The following RBFOX1 variants were observed in gnomAD, a reference collection of about 807,000 sequenced individuals.
RBFOX1 encodes RNA binding protein fox-1 homolog 1.
RBFOX1 carries 8 observed loss-of-function variants against 57.7 expected under a neutral mutation model. The ratio of observed to expected loss-of-function variants is 0.14; its 90% confidence interval spans 0.08 to 0.25. The LOEUF is 0.25. Ranked by LOEUF, RBFOX1 falls within the 10% of genes least tolerant of loss-of-function variation. RBFOX1 has a pLI of 1.00. For missense variants in RBFOX1, 611 were observed against 548.5 expected (o/e 1.11, Z -1.14); for synonymous variants, 326 against 222.4 (o/e 1.47, Z -4.15).
Position 7,240,101 on chromosome 16 carries a change from G to A in RBFOX1, c.27+188003G>A, listed in dbSNP as rs538021968. ...CCTGCCTCAGACTCTTGAGTAGCTG[G>A]GATTACGGGCACCCGCCACCACGCC... On this transcript the variant is annotated intron_variant, in intron 4 of 15. Coordinates refer to ENST00000550418, the MANE Select transcript of RBFOX1 (RefSeq NM_018723.4). Among the ~76,000 whole-genome samples, 10 of 152,138 alleles carry A rather than the reference G, an allele frequency of 6.6e-5. No individual in the cohort carries two copies. In the South Asian group the frequency reaches 1.9e-3, roughly 28 times the overall value.
intron 1 of RBFOX1, among the ~76,000 whole-genome samples, chr16:6,158,842 C>T (rs773458403): frequency 5.9e-5 from 9 of 151,944 alleles, no homozygotes; most frequent in Non-Finnish European, 8.8e-5. Context: ...AATAGACAGG[C>T]ACCTATTAAA....
intron 2 of RBFOX1, among the ~76,000 whole-genome samples, chr16:5,569,927 C>T (rs1350367466): frequency 6.6e-6 from 1 of 152,180 alleles, no homozygotes. Flanking sequence ...AGTCATATTG[C>T]AGATATCATA....
At chr16:6,755,500 C>T (rs1196296995) in intron 3 of RBFOX1, among the ~76,000 whole-genome samples, 1 of 152,074 alleles carries the variant, frequency 6.6e-6, no homozygotes, top group Admixed American at 6.6e-5. Flanking sequence ...ATAAATGTCT[C>T]CTGTTTTAAT....
chr16:7,164,562 G>A (rs1396417206), intron 4 of RBFOX1, among the ~76,000 whole-genome samples: 5 of 152,170 alleles, frequency 3.3e-5, no homozygotes, highest in African/African-American at 1.2e-4. Flanking sequence ...TATACTATGT[G>A]TGAAAAGCCC....
chr16:7,708,673 C>G (rs1405998581), intron 14 of RBFOX1, among the ~76,000 whole-genome samples: 3 of 152,190 alleles, frequency 2.0e-5, no homozygotes, highest in Non-Finnish European at 2.9e-5. Context: ...GAAAAAGGCA[C>G]TCTCTTGAGA....
At chr16:7,003,013 G>T (rs1171176825) in intron 3 of RBFOX1, among the ~76,000 whole-genome samples, 1 of 150,134 alleles carries the variant, frequency 6.7e-6, no homozygotes, top group Non-Finnish European at 1.5e-5. Flanking sequence ...GATCTTGGTG[G>T]TCTTTTTTTT....
chr16:6,747,916 A>G (rs528817880), intron 3 of RBFOX1, among the ~76,000 whole-genome samples: 3 of 152,278 alleles, frequency 2.0e-5, no homozygotes, highest in South Asian at 4.2e-4. Flanking sequence ...GGAAAGCACA[A>G]CACGCTATCA....
At chr16:5,481,583 A>T (rs1271375597) in intron 2 of RBFOX1, among the ~76,000 whole-genome samples, 1 of 152,212 alleles carries the variant, frequency 6.6e-6, no homozygotes, top group East Asian at 1.9e-4. Context: ...TAGATGCTTG[A>T]TCATGGCTAT....
At chr16:6,050,906 C>T (rs1389680597) in intron 1 of RBFOX1, among the ~76,000 whole-genome samples, 1 of 150,930 alleles carries the variant, frequency 6.6e-6, no homozygotes, top group Non-Finnish European at 1.5e-5. Context: ...ATTATTCAAT[C>T]ATCAACCGGT....
intron 2 of RBFOX1, among the ~76,000 whole-genome samples, chr16:6,581,412 G>A (rs1050944577): frequency 2.6e-5 from 4 of 152,136 alleles, no homozygotes; most frequent in Admixed American, 2.6e-4. Context: ...TTTCACTGTT[G>A]GCAGCTGGTA....
chr16:6,979,473 C>T (rs916504273), intron 3 of RBFOX1, among the ~76,000 whole-genome samples: 1 of 152,082 alleles, frequency 6.6e-6, no homozygotes, highest in Non-Finnish European at 1.5e-5. Flanking sequence ...CTGTTCTTCC[C>T]CCAGTACCTT....
At chr16:6,182,549 A>AT (rs1410152581) in intron 1 of RBFOX1, among the ~76,000 whole-genome samples, 1 of 152,226 alleles carries the variant, frequency 6.6e-6, no homozygotes, top group Non-Finnish European at 1.5e-5. Flanking sequence ...TTATTGCCAC[A>AT]TAACTTTGTA....
intron 3 of RBFOX1, among the ~76,000 whole-genome samples, chr16:5,830,253 C>T (rs1195433780): frequency 6.6e-6 from 1 of 152,128 alleles, no homozygotes; most frequent in Non-Finnish European, 1.5e-5. Flanking sequence ...CTAGTTGGTT[C>T]AGCTTTCCTA....
intron 1 of RBFOX1, among the ~76,000 whole-genome samples, chr16:6,129,439 A>C (rs1168767405): frequency 6.6e-6 from 1 of 152,188 alleles, no homozygotes; most frequent in African/African-American, 2.4e-5. Context: ...AGGACTAGTG[A>C]ATTTGAAGAC....
chr16:5,665,630 G>C (rs569735066), intron 3 of RBFOX1, among the ~76,000 whole-genome samples: 2 of 152,188 alleles, frequency 1.3e-5, no homozygotes, highest in Non-Finnish European at 2.9e-5. Context: ...GTGTTTGGCA[G>C]ATAGTTGGCA....
At chr16:7,345,709 C>T (rs376739562) in intron 4 of RBFOX1, among the ~76,000 whole-genome samples, 2 of 152,328 alleles carry the variant, frequency 1.3e-5, no homozygotes. Flanking sequence ...AAAAGCCTTT[C>T]ATTACTGAGG....
intron 10 of RBFOX1, among the ~76,000 whole-genome samples, chr16:7,622,527 C>A (rs183051974): frequency 6.6e-6 from 1 of 152,230 alleles, no homozygotes; most frequent in African/African-American, 2.4e-5. Flanking sequence ...AGTCAAGGAA[C>A]AAATTCTTCT....
intron 4 of RBFOX1, among the ~76,000 whole-genome samples, chr16:5,960,199 T>A (rs2059721131): frequency 6.6e-6 from 1 of 152,042 alleles, no homozygotes; most frequent in Non-Finnish European, 1.5e-5. Flanking sequence ...AGACTCTGTC[T>A]CAAGAAGAAG....
chr16:6,126,115 T>C (rs2096587736), intron 1 of RBFOX1, among the ~76,000 whole-genome samples: 2 of 152,370 alleles, frequency 1.3e-5, no homozygotes, highest in Admixed American at 1.3e-4. Flanking sequence ...ACTTGCATTT[T>C]CGTTTCCACT....
Sources: gnomAD v4.1 joint callset for allele counts (sites outside exome capture counted in the v4.1 genomes callset) on GRCh38, gnomAD v4.1.1 for gene constraint, MANE v1.5 for transcripts, NCBI Gene and HGNC (gene_info 2026-07-23, HGNC 2026-07-21) for gene names.